MCTP1: variants seen among roughly 807,000 people sequenced by gnomAD.
The protein encoded by MCTP1 is multiple C2 and transmembrane domain-containing protein 1.
A neutral mutation model predicts 120.6 loss-of-function variants in MCTP1; 69 were observed. That is an observed-to-expected ratio of 0.57 (90% confidence interval 0.47 to 0.70). MCTP1 has a LOEUF of 0.70. Ranked by LOEUF, MCTP1 falls within the 30% of genes least tolerant of loss-of-function variation. The pLI is 0.00. For synonymous variants in MCTP1, 529 were observed against 493.1 expected, an observed-to-expected ratio of 1.07 and a Z score of -0.96; for missense variants, 1,203 against 1,248.8, an observed-to-expected ratio of 0.96 and a Z score of 0.55.
At chr5:95,176,525 AAAC>A (rs1179640807) in intron 1 of MCTP1, among the ~76,000 whole-genome samples, 1 of 152,196 alleles carries the variant, frequency 6.6e-6, no homozygotes. Context: ...ACTCTGTTTT[AAAC>A]AACAACAAAA....
At chr5:95,050,558 G>A (rs577555213) in intron 1 of MCTP1, among the ~76,000 whole-genome samples, 2 of 152,318 alleles carry the variant, frequency 1.3e-5, no homozygotes, top group Non-Finnish European at 2.9e-5. Context: ...CAGCCTGGGT[G>A]TATAATGCAA....
At chr5:94,757,055 G>C (rs1011061600) in intron 19 of MCTP1, among the ~76,000 whole-genome samples, 9 of 152,208 alleles carry the variant, frequency 5.9e-5, no homozygotes, top group African/African-American at 2.2e-4. Flanking sequence ...AAGTTGCTTT[G>C]TCCTCATCTG....
At chr5:95,104,109 A>C (rs1756932010) in intron 1 of MCTP1, among the ~76,000 whole-genome samples, 1 of 152,198 alleles carries the variant, frequency 6.6e-6, no homozygotes, top group Admixed American at 6.5e-5. Flanking sequence ...AAATAATACA[A>C]TTACTTATTC....
intron 19 of MCTP1, among the ~76,000 whole-genome samples, chr5:94,736,980 T>C (rs2152730644): frequency 6.6e-6 from 1 of 152,228 alleles, no homozygotes; most frequent in Admixed American, 6.5e-5. Flanking sequence ...ATGCTTATAG[T>C]CAAGTGAAAT....
intron 1 of MCTP1, among the ~76,000 whole-genome samples, chr5:95,278,374 TC>T (rs1760023683): frequency 6.6e-6 from 1 of 152,218 alleles, no homozygotes; most frequent in Non-Finnish European, 1.5e-5. Context: ...AGGTGCCTCT[TC>T]TTTGATTCAA....
chr5:94,858,789 A>G (rs1357981340), intron 17 of MCTP1, among the ~76,000 whole-genome samples: 1 of 151,590 alleles, frequency 6.6e-6, no homozygotes, highest in Non-Finnish European at 1.5e-5. Flanking sequence ...AAGCCCACAC[A>G]ATCTCCACCT....
At chr5:94,784,883 C>G (rs768823572) in intron 18 of MCTP1, 11 of 151,994 alleles carry the variant, frequency 7.2e-5, no homozygotes, top group Non-Finnish European at 1.6e-4. Context: ...ATTCTTCTCA[C>G]AAAATGCATT....
chr5:94,775,806 TTTTAGA>T (rs1399623903), intron 19 of MCTP1, among the ~76,000 whole-genome samples: 3 of 151,884 alleles, frequency 2.0e-5, no homozygotes, highest in African/African-American at 7.2e-5. Flanking sequence ...AGCCACCTAA[TTTTAGA>T]TTTAAACAAA....
At chr5:94,767,341 C>T (rs746226603) in intron 19 of MCTP1, among the ~76,000 whole-genome samples, 7 of 152,280 alleles carry the variant, frequency 4.6e-5, no homozygotes, top group Middle Eastern at 6.8e-3. Context: ...AGCCTTTCCT[C>T]TAAGAACTGG....
At chr5:95,009,109 A>AGAGAGAGAGAGAGAGAGAGAGAG (rs1835407389) in intron 2 of MCTP1, among the ~76,000 whole-genome samples, 1 of 131,206 alleles carries the variant, frequency 7.6e-6, no homozygotes, top group African/African-American at 2.8e-5. Flanking sequence ...AGAGAGAGAG[A>AGAGAGAGAGAGAGAGAGAGAGAG]AGCATTGGGA....
At chr5:94,894,918 AT>A (rs1803580792) in intron 10 of MCTP1, 83 bp from the exon 11 acceptor site, 1 of 792,206 alleles carries the variant, frequency 1.3e-6, no homozygotes, top group Non-Finnish European at 1.9e-6. Context: ...TCTATGAAAC[AT>A]AAATCAATAG....
intron 19 of MCTP1, among the ~76,000 whole-genome samples, chr5:94,722,604 T>A (rs992445486): frequency 6.6e-6 from 1 of 152,168 alleles, no homozygotes; most frequent in African/African-American, 2.4e-5. Context: ...AGGCATATGG[T>A]CACCTTATTA....
intron 1 of MCTP1, among the ~76,000 whole-genome samples, chr5:95,090,135 A>G (rs1360884915): frequency 1.3e-5 from 2 of 152,204 alleles, no homozygotes; most frequent in Admixed American, 6.5e-5. Flanking sequence ...TTAAGAGAGC[A>G]TGTTTTAAAA....
At chr5:94,925,502 G>A (rs1812841643) in intron 6 of MCTP1, among the ~76,000 whole-genome samples, 2 of 151,806 alleles carry the variant, frequency 1.3e-5, no homozygotes, top group South Asian at 2.1e-4. Flanking sequence ...TCCACCTCCC[G>A]GGTTCACGCC....
chr5:95,055,742 C>T (rs748237027), intron 1 of MCTP1, among the ~76,000 whole-genome samples: 7 of 152,194 alleles, frequency 4.6e-5, no homozygotes, highest in Non-Finnish European at 7.3e-5. Context: ...CTATATCCCC[C>T]TGGGTACAGG....
intron 1 of MCTP1, among the ~76,000 whole-genome samples, chr5:95,198,658 G>T (rs1750659993): frequency 6.6e-6 from 1 of 152,116 alleles, no homozygotes; most frequent in Non-Finnish European, 1.5e-5. Flanking sequence ...GCTTTTAAAA[G>T]AAAGACCAAC....
intron 17 of MCTP1, among the ~76,000 whole-genome samples, chr5:94,840,494 A>G (rs1477011827): frequency 6.6e-6 from 1 of 152,170 alleles, no homozygotes; most frequent in African/African-American, 2.4e-5. Flanking sequence ...CGCTGTTGGG[A>G]TGGCTTGATT....
intron 19 of MCTP1, among the ~76,000 whole-genome samples, chr5:94,740,306 G>T (rs1765221794): frequency 6.6e-6 from 1 of 152,124 alleles, no homozygotes; most frequent in African/African-American, 2.4e-5. Flanking sequence ...GATTTTTTTA[G>T]ATATAAATAA....
chr5:95,049,230 TC>T (rs149176001), intron 1 of MCTP1, among the ~76,000 whole-genome samples: 6,628 of 152,202 alleles, frequency 0.044, 263 homozygotes, highest in Middle Eastern at 0.054. Context: ...GCAAGGCACT[TC>T]TGGGTTTCGC....
Sources: allele counts gnomAD v4.1 joint callset (sites outside exome capture counted in the v4.1 genomes callset), GRCh38; gene constraint gnomAD v4.1.1; transcripts MANE v1.5; gene names NCBI Gene and HGNC (gene_info 2026-07-23, HGNC 2026-07-21).